Variants in ZNF280D observed in about 807,000 individuals in gnomAD.
ZNF280D encodes the protein zinc finger protein 280D.
Under a neutral mutation model 94.7 loss-of-function variants are expected in ZNF280D, and 39 were observed. That is an observed-to-expected ratio of 0.41 (90% confidence interval 0.32 to 0.54). The LOEUF is 0.54. Among genes scored for constraint, ZNF280D ranks in the 20% least tolerant of loss-of-function variants. ZNF280D has a pLI of 0.22. For synonymous variants in ZNF280D, 398 were observed against 377.6 expected, an observed-to-expected ratio of 1.05 and a Z score of -0.63; for missense variants, 1,090 against 1,149.3, an observed-to-expected ratio of 0.95 and a Z score of 0.75.
chr15:56,723,161 T>A (rs2058459673), intron 1 of ZNF280D, among the ~76,000 whole-genome samples: 1 of 151,822 alleles, frequency 6.6e-6, no homozygotes, highest in Non-Finnish European at 1.5e-5. Flanking sequence ...CACACCAGCA[T>A]GGCACATGTA....
In ZNF280D at chr15:56,678,665, A is replaced by G. The variant is rs1480011102; in HGVS notation, c.1161T>C (p.Ser387=). Residue 387 remains serine, a splice_region_variant and synonymous_variant, in exon 11 of 22, where the codon TCT becomes TCC. Coordinates refer to ENST00000267807, the MANE Select transcript of ZNF280D (RefSeq NM_017661.4). ...TATTTAAATGTATTGGTAACTTACT[A>G]GAAAATTCATGGGGCGTATGTGTAC... ...IESTHTPHEF[S]TICKICELSF... 9 of 1,583,510 alleles carry G rather than the reference A, an allele frequency of 5.7e-6. No individual in the cohort carries two copies. The highest frequency in any genetic ancestry group is 3.5e-5 in the South Asian group (3 of 85,836).
At chr15:56,720,429 T>C (rs990426907) in intron 1 of ZNF280D, among the ~76,000 whole-genome samples, 4 of 152,316 alleles carry the variant, frequency 2.6e-5, no homozygotes, top group African/African-American at 4.8e-5. Context: ...CACTGAAACC[T>C]TGAAACTCTC....
chr15:56,696,035 C>A (rs1229650143), intron 6 of ZNF280D, among the ~76,000 whole-genome samples: 1 of 152,070 alleles, frequency 6.6e-6, no homozygotes, highest in Non-Finnish European at 1.5e-5. Context: ...TGCTTTATTA[C>A]TAACTTTTCT....
chr15:56,677,921 C>T (rs113364718), intron 11 of ZNF280D, among the ~76,000 whole-genome samples: 11 of 151,922 alleles, frequency 7.2e-5, no homozygotes, highest in Admixed American at 2.6e-4. Context: ...TATTAAGTAA[C>T]GTGGCTAAAA....
chr15:56,682,202 T>C, intron 10 of ZNF280D, 52 bp downstream of exon 10: 1 of 1,302,214 alleles, frequency 7.7e-7, no homozygotes, highest in Non-Finnish European at 1.1e-6. Flanking sequence ...TATAACATTT[T>C]TATTTGCAGC....
chr15:56,719,093 C>G (rs2058200196), intron 1 of ZNF280D, among the ~76,000 whole-genome samples: 1 of 152,096 alleles, frequency 6.6e-6, no homozygotes, highest in Non-Finnish European at 1.5e-5. Flanking sequence ...TAATAGATCC[C>G]ATAGTCTCAG....
At chr15:56,645,965 G>T (rs1372000615) in intron 19 of ZNF280D, among the ~76,000 whole-genome samples, 1 of 152,150 alleles carries the variant, frequency 6.6e-6, no homozygotes, top group Non-Finnish European at 1.5e-5. Flanking sequence ...AAAATATTCA[G>T]ATTCATTTCA....
chr15:56,665,193 C>G (rs557334786), intron 16 of ZNF280D, among the ~76,000 whole-genome samples: 17 of 152,104 alleles, frequency 1.1e-4, no homozygotes, highest in African/African-American at 4.1e-4. Flanking sequence ...TCCTTGAAAG[C>G]AGTAGTTGAT....
At chr15:56,654,693 C>T in intron 17 of ZNF280D, 190 bp from the exon 18 acceptor site, 1 of 634,292 alleles carries the variant, frequency 1.6e-6, no homozygotes, top group Admixed American at 2.1e-5. Context: ...AATTATGCTA[C>T]CATTTATTTA....
chr15:56,691,555 C>T (rs1029117419), intron 7 of ZNF280D, among the ~76,000 whole-genome samples: 20 of 152,222 alleles, frequency 1.3e-4, no homozygotes, highest in African/African-American at 4.8e-4. Context: ...TAACTTATTT[C>T]TCTGCTGTGT....
rs549317944 is a variant in ZNF280D, at chr15:56,717,883, A to C, written c.-85-10577T>G. ...ACCAAATTACAGGGAGGCAGACTTCATCTCAATATAAGAACAAAACAATTA... is the reference window on the plus strand; with the variant it reads ...ACCAAATTACAGGGAGGCAGACTTCCTCTCAATATAAGAACAAAACAATTA... On this transcript the variant is annotated intron_variant, in intron 1 of 21. Coordinates refer to ENST00000267807, the MANE Select transcript of ZNF280D (RefSeq NM_017661.4). Among the ~76,000 whole-genome samples, 79 of 152,286 alleles carry C rather than the reference A, an allele frequency of 5.2e-4. No homozygotes were observed. In the South Asian group the frequency reaches 0.016, roughly 31 times the overall value.
intron 19 of ZNF280D, chr15:56,653,951 T>C: frequency 1.5e-6 from 2 of 1,372,958 alleles, no homozygotes; most frequent in Non-Finnish European, 1.9e-6. Context: ...TGTCATGAAC[T>C]TGGCTGCTCA....
At chr15:56,727,075 T>C (rs1477635355) in intron 1 of ZNF280D, among the ~76,000 whole-genome samples, 5 of 152,212 alleles carry the variant, frequency 3.3e-5, no homozygotes, top group African/African-American at 9.7e-5. Flanking sequence ...GGAGAACTAA[T>C]GGAAAATAAC....
At chr15:56,661,974 C>T (rs2053971099) in intron 16 of ZNF280D, among the ~76,000 whole-genome samples, 1 of 152,128 alleles carries the variant, frequency 6.6e-6, no homozygotes, top group Non-Finnish European at 1.5e-5. Flanking sequence ...CAAATCCAGA[C>T]TTGTTTGATT....
chr15:56,689,592 AATG>A (rs2056296822), intron 7 of ZNF280D, 122 bp from the exon 8 acceptor site: 1 of 631,436 alleles, frequency 1.6e-6, no homozygotes, highest in Non-Finnish European at 2.4e-6. Flanking sequence ...TCATGACAAT[AATG>A]ATAAAACTTG....
chr15:56,709,080 A>C (rs1480219314), intron 1 of ZNF280D, among the ~76,000 whole-genome samples: 1 of 152,122 alleles, frequency 6.6e-6, no homozygotes, highest in Non-Finnish European at 1.5e-5. Context: ...CAACCTACAG[A>C]TTGGGAGAAA....
intron 19 of ZNF280D, among the ~76,000 whole-genome samples, chr15:56,651,894 G>T (rs557064182): frequency 2.0e-5 from 3 of 152,196 alleles, no homozygotes; most frequent in African/African-American, 7.2e-5. Context: ...TAACAATGTG[G>T]TTTATCCTGC....
chr15:56,674,028 A>G (rs765759631), intron 13 of ZNF280D, among the ~76,000 whole-genome samples: 12 of 152,066 alleles, frequency 7.9e-5, no homozygotes, highest in Non-Finnish European at 1.8e-4. Context: ...TCTCTACTAT[A>G]ATGTAAATTC....
rs1419437195 is a variant in ZNF280D, at chr15:56,678,774, C to T, written c.1052G>A (p.Ser351Asn). 11 of 1,612,432 alleles carry T rather than the reference C, an allele frequency of 6.8e-6. No homozygotes were observed. Among genetic ancestry groups the T allele is most frequent in the Non-Finnish European group, 9.3e-6 (11 of 1,179,226 alleles). ...GGTGGTATGGTTTTCCCAGCTCTCA[C>T]TGCTCTGCTTCTCAAGTTCCAAATG... Reference protein sequence around the residue: ...KHHLELEKQSSESWENHTTCQ... With the variant: ...KHHLELEKQSNESWENHTTCQ... Residue 351 changes from serine to asparagine, a missense_variant, in exon 11 of 22, where the codon AGT becomes AAT. Physicochemically the swap from Ser to Asn is conservative, Grantham distance 46 (BLOSUM62 1). This residue lies in a region of ZNF280D where 127 missense variants were observed against 208.6 expected (regional missense o/e 0.61). Transcript: ENST00000267807.
Sources: gnomAD v4.1 joint callset for allele counts (sites outside exome capture counted in the v4.1 genomes callset) on GRCh38, gnomAD v4.1.1 for gene constraint, gnomAD v4.1.1 regional missense constraint, MANE v1.5 for transcripts, NCBI Gene and HGNC (gene_info 2026-07-23, HGNC 2026-07-21) for gene names.